AK5: variants seen among roughly 807,000 people sequenced by gnomAD.
AK5 encodes adenylate kinase isoenzyme 5.
A neutral mutation model predicts 69.5 loss-of-function variants in AK5; 27 were observed. The observed-to-expected ratio is 0.39, with a 90% confidence interval of 0.29 to 0.54. The LOEUF is 0.54. Ranked by LOEUF, AK5 falls within the 20% of genes least tolerant of loss-of-function variation. AK5 has a pLI of 0.71. For synonymous variants in AK5, 260 were observed against 244.4 expected (o/e 1.06, Z -0.60); for missense variants, 531 against 700.4 (o/e 0.76, Z 2.73).
At chr1:77,323,462 G>A (rs1202194383) in intron 5 of AK5, among the ~76,000 whole-genome samples, 1 of 152,170 alleles carries the variant, frequency 6.6e-6, no homozygotes, top group East Asian at 1.9e-4. Flanking sequence ...AAACATTAGA[G>A]CAAATTATTA....
intron 8 of AK5, among the ~76,000 whole-genome samples, chr1:77,437,923 C>T (rs1652054487): frequency 1.3e-5 from 2 of 151,988 alleles, no homozygotes; most frequent in African/African-American, 4.8e-5. Context: ...TTTTGTAAAC[C>T]TTAATCTAGT....
chr1:77,401,149 T>C (rs1271462344), intron 6 of AK5, among the ~76,000 whole-genome samples: 1 of 152,170 alleles, frequency 6.6e-6, no homozygotes, highest in Non-Finnish European at 1.5e-5. Context: ...GTCTCAATGG[T>C]TGTTACTCCA....
At chr1:77,423,693 A>G (rs1301432083) in intron 8 of AK5, among the ~76,000 whole-genome samples, 3 of 152,166 alleles carry the variant, frequency 2.0e-5, no homozygotes, top group Non-Finnish European at 2.9e-5. Context: ...AGTGTGGACA[A>G]TATGAGAGTT....
intron 10 of AK5, among the ~76,000 whole-genome samples, chr1:77,499,869 CATTTTTTTTTTTTTTTTTT>C (rs1656600359): frequency 2.5e-5 from 2 of 78,768 alleles, no homozygotes; most frequent in South Asian, 5.6e-4. Flanking sequence ...GCCCTTTTTC[CATTTTTTTTTTTTTTTTTT>C]TTTTTTTTTT....
intron 12 of AK5, among the ~76,000 whole-genome samples, chr1:77,526,860 A>G (rs1658323383): frequency 6.6e-6 from 1 of 151,894 alleles, no homozygotes; most frequent in Admixed American, 6.6e-5. Flanking sequence ...ATGTATAGTA[A>G]ATAAATAAGG....
intron 13 of AK5, among the ~76,000 whole-genome samples, chr1:77,541,527 T>C (rs1659272710): frequency 6.6e-6 from 1 of 152,194 alleles, no homozygotes; most frequent in Non-Finnish European, 1.5e-5. Context: ...TTTAAAAACA[T>C]GATTGTGATT....
chr1:77,367,886 T>TATATATAAC (rs1647024339), intron 6 of AK5, among the ~76,000 whole-genome samples: 1 of 13,614 alleles, frequency 7.3e-5, no homozygotes, highest in African/African-American at 2.5e-4. Context: ...TAATATAAAA[T>TATATATAAC]ATATGTGATA....
chr1:77,336,003 A>G (rs1661337529), intron 5 of AK5, among the ~76,000 whole-genome samples: 1 of 151,480 alleles, frequency 6.6e-6, no homozygotes. Flanking sequence ...AATCTCATTC[A>G]TGCTTTTTAT....
chr1:77,384,488 A>G (rs536817942), intron 6 of AK5, among the ~76,000 whole-genome samples: 1 of 152,278 alleles, frequency 6.6e-6, no homozygotes. Flanking sequence ...CTGTGTTTTA[A>G]AGATAAGGAA....
At chr1:77,530,235 C>G (rs1658505130) in intron 12 of AK5, among the ~76,000 whole-genome samples, 1 of 152,168 alleles carries the variant, frequency 6.6e-6, no homozygotes, top group Non-Finnish European at 1.5e-5. Flanking sequence ...TCTTCTGATT[C>G]CCGGTTCACT....
intron 6 of AK5, among the ~76,000 whole-genome samples, chr1:77,404,924 A>G (rs1407820960): frequency 1.3e-5 from 2 of 152,218 alleles, no homozygotes; most frequent in Admixed American, 1.3e-4. Context: ...ACAATCAGCC[A>G]TTTTAGTCTA....
At chr1:77,467,391 G>A (rs1047873125) in intron 8 of AK5, among the ~76,000 whole-genome samples, 31 of 152,200 alleles carry the variant, frequency 2.0e-4, no homozygotes, top group African/African-American at 6.8e-4. Flanking sequence ...TCTGTTCTGC[G>A]CAGAGCCTGC....
chr1:77,483,256 C>A (rs1655381679), intron 8 of AK5, 61 bp from the exon 9 acceptor site: 2 of 1,289,774 alleles, frequency 1.6e-6, no homozygotes, highest in Non-Finnish European at 2.3e-6. Context: ...GCCAGTGTTG[C>A]CAAGGAGTTC....
chr1:77,480,497 T>A (rs1386072595), intron 8 of AK5, among the ~76,000 whole-genome samples: 1 of 152,106 alleles, frequency 6.6e-6, no homozygotes, highest in Non-Finnish European at 1.5e-5. Flanking sequence ...GTTTCAGGAA[T>A]TCACATTAAC....
intron 6 of AK5, among the ~76,000 whole-genome samples, chr1:77,392,917 A>G (rs981329096): frequency 1.3e-5 from 2 of 151,888 alleles, no homozygotes; most frequent in Admixed American, 1.3e-4. Flanking sequence ...TTTCCTTTAA[A>G]ATATTTTATT....
At chr1:77,474,986 A>G (rs1412488784) in intron 8 of AK5, among the ~76,000 whole-genome samples, 1 of 151,654 alleles carries the variant, frequency 6.6e-6, no homozygotes, top group Non-Finnish European at 1.5e-5. Flanking sequence ...ACTTCTTTGT[A>G]CAGACGGGGT....
intron 5 of AK5, chr1:77,314,257 C>T (rs72677902): frequency 3.2e-3 from 679 of 209,808 alleles, no homozygotes; most frequent in Middle Eastern, 6.1e-3. Context: ...TTGAACCAGG[C>T]TAAGCAGGTC....
chr1:77,315,304 C>T lies in AK5; in HGVS notation c.699+17357C>T, dbSNP rs1485056449. 2.0e-5 allele frequency among the ~76,000 whole-genome samples: 3 copies of T among 151,868 alleles called. No homozygotes were observed. In the East Asian group the frequency reaches 5.8e-4, roughly 29 times the overall value. On this transcript the variant is annotated intron_variant, in intron 5 of 13. Transcript: ENST00000354567. ...TCACTTAACACATTTGGATATTATT[C>T]GCCATACTTTTTTGGTCATGCATAC...
intron 6 of AK5, among the ~76,000 whole-genome samples, chr1:77,389,992 A>G (rs534491316): frequency 6.6e-6 from 1 of 152,300 alleles, no homozygotes; most frequent in African/African-American, 2.4e-5. Flanking sequence ...TTTTAAAAAA[A>G]GAGTATAATT....
Sources: gnomAD v4.1 joint callset for allele counts (sites outside exome capture counted in the v4.1 genomes callset) on GRCh38, gnomAD v4.1.1 for gene constraint, MANE v1.5 for transcripts, NCBI Gene and HGNC (gene_info 2026-07-23, HGNC 2026-07-21) for gene names.